Variants in ANKRD62 observed in about 807,000 individuals in gnomAD.
The protein encoded by ANKRD62 is ankyrin repeat domain 62.
In ANKRD62, 61 loss-of-function variants were observed where a neutral mutation model predicts 98.8. The observed-to-expected ratio is 0.62, with a 90% CI of 0.50 to 0.76. The LOEUF (loss-of-function observed/expected upper bound fraction) is 0.76. Among genes scored for constraint, ANKRD62 ranks in the 30% least tolerant of loss-of-function variants. The pLI, the probability that ANKRD62 is intolerant of heterozygous loss-of-function variation, is 0.00. For missense variants in ANKRD62, 933 were observed against 1,082.9 expected, an observed-to-expected ratio of 0.86 and a Z score of 1.94; for synonymous variants, 341 against 367.9, an observed-to-expected ratio of 0.93 and a Z score of 0.84.
In ANKRD62 at chr18:12,095,205, C is replaced by T. The variant is rs1408221061; in HGVS notation, c.253C>T (p.Pro85Ser). Residue 85 changes from proline (P) to serine (S), a missense_variant, in exon 2 of 14, where the codon CCA becomes TCA. By Grantham distance (74) the Pro-to-Ser change is moderately conservative. Around this residue, in one of 3 missense-constraint regions of ANKRD62, gnomAD observed 549 missense variants for 587.9 expected, o/e 0.93. Coordinates refer to ENST00000587848, the MANE Select transcript of ANKRD62 (RefSeq NM_001277333.2). ...ALLLACAHGR[P>S]GVVADLVARK... ...ACTTTTGGCGTGTGCCCATGGCCGT[C>T]CAGGAGTGGTAGCTGACCTGGTGGC... 1.3e-6 allele frequency: 2 copies of T among 1,536,920 alleles called. No homozygotes were observed. Among genetic ancestry groups the T allele is most frequent in the Non-Finnish European group, 1.7e-6 (2 of 1,146,854 alleles).
the ANKRD62 span, among the ~76,000 whole-genome samples, chr18:12,164,515 T>A: frequency 2.6e-5 from 4 of 151,972 alleles, no homozygotes; most frequent in Non-Finnish European, 5.9e-5. Context: ...TTTTTATATC[T>A]TCCACTAATT....
intron 6 of ANKRD62, among the ~76,000 whole-genome samples, chr18:12,101,338 T>TGAGTCTC (rs1909295801): frequency 1.3e-5 from 2 of 152,216 alleles, no homozygotes; most frequent in African/African-American, 4.8e-5. Context: ...ATTTGAGACT[T>TGAGTCTC]GAGTCTCAGT....
chr18:12,096,115 T>A, intron 3 of ANKRD62, 81 bp from the exon 4 acceptor site: 1 of 939,396 alleles, frequency 1.1e-6, no homozygotes, highest in Non-Finnish European at 1.6e-6. Flanking sequence ...TTTAAGTTCA[T>A]AGGATCTTAA....
At chr18:12,158,778 C>T in the ANKRD62 span, among the ~76,000 whole-genome samples, 1 of 151,834 alleles carries the variant, frequency 6.6e-6, no homozygotes, top group Admixed American at 6.6e-5. Context: ...TCGTGATCCA[C>T]CGGCCTTGGC....
intron 1 of ANKRD62, 130 bp from the exon 2 acceptor site, chr18:12,095,041 A>T: frequency 1.3e-6 from 1 of 752,714 alleles, no homozygotes; most frequent in Non-Finnish European, 2.2e-6. Context: ...GCCTTTCTTC[A>T]CAAGAAAAGT....
At chr18:12,095,998 C>T (rs181519287) in intron 3 of ANKRD62, among the ~76,000 whole-genome samples, 198 bp from the exon 4 acceptor site, 1 of 152,302 alleles carries the variant, frequency 6.6e-6, no homozygotes, top group Admixed American at 6.5e-5. Flanking sequence ...GCTACTGTGC[C>T]TTCCAGACAC....
intron 4 of ANKRD62, among the ~76,000 whole-genome samples, chr18:12,096,656 A>G (rs1909189334): frequency 6.6e-6 from 1 of 152,006 alleles, no homozygotes; most frequent in Admixed American, 6.6e-5. Flanking sequence ...AAATTTCTTA[A>G]CTCTTTTATA....
chr18:12,099,727 A>G, intron 6 of ANKRD62, 45 bp downstream of exon 6: 1 of 1,158,770 alleles, frequency 8.6e-7, no homozygotes, highest in Non-Finnish European at 1.1e-6. Flanking sequence ...CCTGTCATAG[A>G]TAAAAAAGTA....
At chr18:12,096,119 A>G in intron 3 of ANKRD62, 77 bp from the exon 4 acceptor site, 3 of 968,868 alleles carry the variant, frequency 3.1e-6, no homozygotes, top group East Asian at 2.7e-5. Context: ...AGTTCATAGG[A>G]TCTTAACATA....
At chr18:12,176,583 G>A in the ANKRD62 span, among the ~76,000 whole-genome samples, 15 of 122,482 alleles carry the variant, frequency 1.2e-4, 2 homozygotes, top group African/African-American at 4.6e-4. Context: ...CCCCCAGAAG[G>A]GTGTGGCTAA....
chr18:12,094,165 G>T lies in ANKRD62; in HGVS notation c.148G>T (p.Asp50Tyr). The T allele has an allele frequency of 6.5e-7, 1 of 1,533,002 alleles. No homozygotes were observed. The highest frequency in any genetic ancestry group is 1.4e-5 in the African/African-American group (1 of 71,920). The allele number at this position is 1,533,002 out of a possible 1,614,324, so 95.0% of individuals were successfully genotyped here. ...GMIHKAAIAG[D>Y]VNKVMESILL... Reference sequence around the variant, plus strand: ...GATCCACAAAGCTGCCATCGCAGGTGATGTGAACAAGGTGATGGAGAGCAT... The same window carrying T: ...GATCCACAAAGCTGCCATCGCAGGTTATGTGAACAAGGTGATGGAGAGCAT... The change falls in exon 1 of 14, where the codon GAT becomes TAT. Residue 50 changes from aspartate to tyrosine, a missense_variant. This residue lies in a region of ANKRD62 where 549 missense variants were observed against 587.9 expected (regional missense o/e 0.93). Coordinates refer to ENST00000587848, the MANE Select transcript of ANKRD62 (RefSeq NM_001277333.2).
the ANKRD62 span, among the ~76,000 whole-genome samples, chr18:12,178,122 C>A: frequency 0.28 from 42,666 of 151,326 alleles, 7,200 homozygotes; most frequent in Non-Finnish European, 0.38. Flanking sequence ...CCAGGGGACA[C>A]TTTTTACCCA....
At chr18:12,107,874 A>G (rs1476560366) in intron 8 of ANKRD62, among the ~76,000 whole-genome samples, 2 of 152,174 alleles carry the variant, frequency 1.3e-5, no homozygotes, top group African/African-American at 4.8e-5. Context: ...TTAATTGTAT[A>G]TTTATTATAC....
rs200044542 is a variant in ANKRD62, at chr18:12,099,153, G to T, written c.753-462G>T. ...GAACATATGTGAAAATACACATTGG[G>T]TTTCATTTGGGATTCCAAAATAATT... On this transcript the variant is annotated intron_variant, in intron 5 of 13. Coordinates refer to ENST00000587848, the MANE Select transcript of ANKRD62 (RefSeq NM_001277333.2). Among the ~76,000 whole-genome samples, 5 of 152,246 alleles carry T rather than the reference G, an allele frequency of 3.3e-5. No individual in the cohort carries two copies. The East Asian group carries it at 9.6e-4, about 29-fold the overall frequency.
intron 8 of ANKRD62, among the ~76,000 whole-genome samples, chr18:12,107,917 A>G (rs879820044): frequency 3.9e-5 from 6 of 152,180 alleles, no homozygotes; most frequent in Non-Finnish European, 5.9e-5. Flanking sequence ...TATATCATAT[A>G]TATAACATGC....
the ANKRD62 span, among the ~76,000 whole-genome samples, chr18:12,136,036 T>C: frequency 2.6e-5 from 4 of 152,220 alleles, no homozygotes; most frequent in African/African-American, 9.6e-5. Context: ...ATGCAGAAGC[T>C]CTTTAGTTTA....
At chr18:12,099,970 G>T (rs1598730214) in intron 6 of ANKRD62, among the ~76,000 whole-genome samples, 1 of 152,020 alleles carries the variant, frequency 6.6e-6, no homozygotes, top group African/African-American at 2.4e-5. Context: ...TTAGTATGTG[G>T]TATGTTTTCT....
At chr18:12,132,379 T>C (rs1047381398), downstream of ANKRD62, among the ~76,000 whole-genome samples, 1 of 152,148 alleles carries the variant, frequency 6.6e-6, no homozygotes, top group African/African-American at 2.4e-5. Context: ...GTTTTACCTA[T>C]TTCTTTTCAG....
At chr18:12,164,339 T>C in the ANKRD62 span, among the ~76,000 whole-genome samples, 1 of 151,986 alleles carries the variant, frequency 6.6e-6, no homozygotes, top group Admixed American at 6.6e-5. Context: ...GTATTAGTTG[T>C]AATGTCTTTT....
Sources: gnomAD v4.1 joint callset for allele counts (sites outside exome capture counted in the v4.1 genomes callset) on GRCh38, gnomAD v4.1.1 for gene constraint, gnomAD v4.1.1 regional missense constraint, MANE v1.5 for transcripts, NCBI Gene and HGNC (gene_info 2026-07-23, HGNC 2026-07-21) for gene names.